ADAMTSL3: variants seen among roughly 807,000 people sequenced by gnomAD.
ADAMTSL3 encodes the protein ADAMTS like 3.
Under a neutral mutation model 201.7 loss-of-function variants are expected in ADAMTSL3, and 128 were observed. The ratio of observed to expected loss-of-function variants is 0.63; its 90% CI spans 0.55 to 0.73. The LOEUF is 0.73. Among genes scored for constraint, ADAMTSL3 ranks in the 30% least tolerant of loss-of-function variants. The pLI is 0.00. For synonymous variants in ADAMTSL3, 738 were observed against 748.4 expected (o/e 0.99, Z 0.23); for missense variants, 1,990 against 2,119.6 (o/e 0.94, Z 1.20).
chr15:83,679,292 A>G (rs1006860170), intron 2 of ADAMTSL3, among the ~76,000 whole-genome samples: 1 of 152,142 alleles, frequency 6.6e-6, no homozygotes, highest in African/African-American at 2.4e-5. Context: ...CTGCTTTAAC[A>G]TCATTGGCAG....
chr15:83,898,734 T>C (rs375921189), intron 14 of ADAMTSL3, among the ~76,000 whole-genome samples: 3 of 152,204 alleles, frequency 2.0e-5, no homozygotes, highest in African/African-American at 7.2e-5. Context: ...ATCTTCCATC[T>C]TGAAATGGGA....
intron 3 of ADAMTSL3, among the ~76,000 whole-genome samples, chr15:83,723,050 A>G (rs548558654): frequency 1.3e-5 from 2 of 152,338 alleles, no homozygotes; most frequent in African/African-American, 2.4e-5. Flanking sequence ...AAGTTAAAGT[A>G]AGATAACATG....
At chr15:83,871,805 G>A (rs1014775954) in intron 9 of ADAMTSL3, among the ~76,000 whole-genome samples, 18 of 152,146 alleles carry the variant, frequency 1.2e-4, no homozygotes, top group African/African-American at 3.9e-4. Context: ...AGATAGTTCA[G>A]TGTGTGGTTT....
At chr15:83,804,609 G>T (rs367751387) in intron 4 of ADAMTSL3, 41 bp from the exon 5 acceptor site, 3,632 of 821,846 alleles carry the variant, frequency 4.4e-3, no homozygotes, top group Non-Finnish European at 6.3e-3. Context: ...CCTCTTCTAT[G>T]AAATCATTAT....
chr15:83,810,388 C>G (rs982708332), intron 5 of ADAMTSL3, among the ~76,000 whole-genome samples: 3 of 152,206 alleles, frequency 2.0e-5, no homozygotes, highest in African/African-American at 4.8e-5. Flanking sequence ...CCAACGTAGT[C>G]TAGCCTTCCT....
chr15:83,842,255 A>G (rs1033461909), intron 7 of ADAMTSL3, among the ~76,000 whole-genome samples: 1 of 152,056 alleles, frequency 6.6e-6, no homozygotes, highest in African/African-American at 2.4e-5. Context: ...GGCAAGGGAT[A>G]CAGAAAGCGC....
At chr15:83,810,032 A>G (rs2063668057) in intron 5 of ADAMTSL3, among the ~76,000 whole-genome samples, 2 of 152,154 alleles carry the variant, frequency 1.3e-5, no homozygotes, top group African/African-American at 4.8e-5. Context: ...CCATATTTGC[A>G]GTCCATTTCT....
intron 15 of ADAMTSL3, among the ~76,000 whole-genome samples, chr15:83,900,568 T>A (rs2065704156): frequency 6.6e-6 from 1 of 152,228 alleles, no homozygotes; most frequent in African/African-American, 2.4e-5. Flanking sequence ...AGGCTGTCTA[T>A]GAAGAGAGCA....
intron 28 of ADAMTSL3, among the ~76,000 whole-genome samples, chr15:84,031,893 G>A (rs1185322352): frequency 6.6e-6 from 1 of 152,166 alleles, no homozygotes; most frequent in Non-Finnish European, 1.5e-5. Flanking sequence ...TGTTGAGGAG[G>A]TTAAATAAGG....
intron 2 of ADAMTSL3, among the ~76,000 whole-genome samples, chr15:83,657,874 C>G (rs1462694576): frequency 6.6e-6 from 1 of 152,134 alleles, no homozygotes; most frequent in Non-Finnish European, 1.5e-5. Context: ...TGTCCCTGTC[C>G]GTGGGTTGGA....
At chr15:83,682,084 C>T (rs1321666629) in intron 2 of ADAMTSL3, among the ~76,000 whole-genome samples, 3 of 152,136 alleles carry the variant, frequency 2.0e-5, no homozygotes, top group Admixed American at 1.3e-4. Flanking sequence ...TGGCTAGAGA[C>T]GCTTGGGTAT....
chr15:83,749,019 G>T (rs2062596744), intron 3 of ADAMTSL3, among the ~76,000 whole-genome samples: 1 of 152,182 alleles, frequency 6.6e-6, no homozygotes, highest in African/African-American at 2.4e-5. Flanking sequence ...GATGAGCAGT[G>T]GGAGGTGTCA....
At chr15:83,703,664 GCCACGTGGAACT>G (rs1462003406) in intron 2 of ADAMTSL3, among the ~76,000 whole-genome samples, 1 of 152,094 alleles carries the variant, frequency 6.6e-6, no homozygotes, top group African/African-American at 2.4e-5. Flanking sequence ...GGCCTCCCCA[GCCACGTGGAACT>G]CTAAGTCCAA....
At chr15:84,019,076 TACACAC>T (rs71453219) in intron 25 of ADAMTSL3, among the ~76,000 whole-genome samples, 66 of 139,234 alleles carry the variant, frequency 4.7e-4, no homozygotes, top group South Asian at 1.7e-3. Context: ...CACACACACA[TACACAC>T]ACACACACAC....
chr15:83,680,973 A>G (rs564776203), intron 2 of ADAMTSL3, among the ~76,000 whole-genome samples: 9 of 151,596 alleles, frequency 5.9e-5, no homozygotes, highest in Admixed American at 5.2e-4. Context: ...TACAGATTAC[A>G]TTATTATTAT....
chr15:83,966,745 C>T (rs1056315289), intron 19 of ADAMTSL3, among the ~76,000 whole-genome samples: 2 of 152,122 alleles, frequency 1.3e-5, no homozygotes, highest in East Asian at 3.9e-4. Flanking sequence ...AAATTTCAGG[C>T]CAATATCCCT....
At chr15:83,806,683 G>A (rs543576357) in intron 5 of ADAMTSL3, among the ~76,000 whole-genome samples, 1 of 152,008 alleles carries the variant, frequency 6.6e-6, no homozygotes, top group East Asian at 1.9e-4. Context: ...GTGAAACTCT[G>A]TCTCTACGAA....
chr15:83,684,022 T>G (rs923273994), intron 2 of ADAMTSL3, among the ~76,000 whole-genome samples: 1 of 152,258 alleles, frequency 6.6e-6, no homozygotes, highest in Non-Finnish European at 1.5e-5. Context: ...GCTAAAAACT[T>G]CACGTTGGTA....
chr15:83,808,584 A>G (rs1220366440), intron 5 of ADAMTSL3, among the ~76,000 whole-genome samples: 1 of 152,202 alleles, frequency 6.6e-6, no homozygotes, highest in African/African-American at 2.4e-5. Context: ...CTCAAAATTT[A>G]AAAAATAGAA....
Sources: allele counts gnomAD v4.1 joint callset (sites outside exome capture counted in the v4.1 genomes callset), GRCh38; gene constraint gnomAD v4.1.1; transcripts MANE v1.5; gene names NCBI Gene and HGNC (gene_info 2026-07-23, HGNC 2026-07-21).